Variants in SLC25A29 observed in about 807,000 individuals in gnomAD.
SLC25A29 encodes the protein solute carrier family 25 member 29.
SLC25A29 carries 13 observed loss-of-function variants against 10.0 expected under a neutral mutation model. That is an observed-to-expected ratio of 1.30 (90% CI 0.85 to 2.07). The LOEUF (loss-of-function observed/expected upper bound fraction) is 2.07, where lower values mean the gene tolerates loss of function less well. Among genes scored for constraint, SLC25A29 ranks in the 30% most tolerant of loss-of-function variants. The pLI is 0.00. For missense variants in SLC25A29, 475 were observed against 447.6 expected (o/e 1.06, Z -0.55); for synonymous variants, 244 against 221.1 (o/e 1.10, Z -0.92).
rs1025229957 is a variant in SLC25A29 at position 100,292,459 on chromosome 14, C to T, written c.736G>A (p.Val246Ile). Reference sequence around the variant, plus strand: ...GTGGACGCCAGCCCCCGTGTGAAGACGCGCCAGCCCTCGGCGCGGTAGCTC... The same window carrying T: ...GTGGACGCCAGCCCCCGTGTGAAGATGCGCCAGCCCTCGGCGCGGTAGCTC... Reference protein sequence around the residue: ...HQSYRAEGWRVFTRGLASTLL... With the variant: ...HQSYRAEGWRIFTRGLASTLL... Residue 246 changes from valine (V) to isoleucine (I), a missense_variant, in exon 4 of 4, where the codon GTC becomes ATC. Transcript: ENST00000359232. The T allele has an allele frequency of 2.5e-5, 39 of 1,579,432 alleles. No individual in the cohort carries two copies. Among genetic ancestry groups the T allele is most frequent in the Non-Finnish European group, 3.3e-5 (39 of 1,164,748 alleles).
In SLC25A29 at chr14:100,291,669, G is replaced by A. The variant is rs1891703235; in HGVS notation, c.*614C>T. On this transcript the variant is annotated 3_prime_UTR_variant, in exon 4 of 4. Transcript: ENST00000359232. ...CTCCAGCAGACTCCATGGCTTCCCG[G>A]AGGGTGCAGGGTCCCCAGTTCACCC... 6.3e-6 allele frequency: 1 copy of A among 158,602 alleles called. No individual in the cohort carries two copies. Among genetic ancestry groups the A allele is most frequent in the African/African-American group, 2.4e-5 (1 of 41,488 alleles). The allele number at this position is 158,602 out of a possible 1,614,324, so 9.8% of individuals were successfully genotyped here.
In SLC25A29 at chr14:100,291,859, G is replaced by T; in HGVS notation, c.*424C>A. On this transcript the variant is annotated 3_prime_UTR_variant, in exon 4 of 4. Coordinates refer to ENST00000359232, the MANE Select transcript of SLC25A29 (RefSeq NM_001039355.3). ...CACCACCCCCCCGGGTGGAGGATGT[G>T]TGGAGTTAGAGGTCCCTGGGTGGCC... 1 of 253,770 alleles carries T rather than the reference G, an allele frequency of 3.9e-6. No homozygotes were observed. The allele number at this position is 253,770 out of a possible 1,614,324, so 15.7% of individuals were successfully genotyped here. A position where few individuals can be genotyped will look rare whatever the true frequency, so the allele number is the denominator to read the frequency against.
intron 2 of SLC25A29, 25 bp from the exon 3 acceptor site, chr14:100,293,402 G>A (rs766432134): frequency 3.1e-5 from 50 of 1,603,306 alleles, no homozygotes; most frequent in Non-Finnish European, 4.0e-5. Context: ...TCCAGTGAGA[G>A]GCAGGCAGGC....
intron 2 of SLC25A29, 112 bp from the exon 3 acceptor site, chr14:100,293,489 G>C: frequency 1.1e-6 from 1 of 884,642 alleles, no homozygotes. Context: ...GGGCACTCAG[G>C]CACAGTCTAA....
At chr14:100,295,676 T>C in intron 2 of SLC25A29, 1 of 1,289,540 alleles carries the variant, frequency 7.8e-7, no homozygotes, top group Non-Finnish European at 1.0e-6. Context: ...AGTTACACTT[T>C]TGCTATGGAT....
chr14:100,302,819 G>A (rs1238966048), intron 1 of SLC25A29, among the ~76,000 whole-genome samples: 4 of 151,448 alleles, frequency 2.6e-5, no homozygotes, highest in Admixed American at 1.3e-4. Flanking sequence ...TTTATTCTGT[G>A]GGAGGTCGCT....
At position 100,291,908 on chromosome 14, in the gene SLC25A29, C is replaced by T. The variant is rs2039838434; in HGVS notation, c.*375G>A. The T allele has an allele frequency of 3.4e-6, 1 of 295,228 alleles. No homozygotes were observed. Among genetic ancestry groups the T allele is most frequent in the Non-Finnish European group, 6.4e-6 (1 of 155,380 alleles). The allele number at this position is 295,228 out of a possible 1,614,324, so 18.3% of individuals were successfully genotyped here. On this transcript the variant is annotated 3_prime_UTR_variant, in exon 4 of 4. Coordinates refer to ENST00000359232, the MANE Select transcript of SLC25A29 (RefSeq NM_001039355.3). ...CCCCTTGGTTGGCCATCAGAGACCC[C>T]CGGGAGCCAGCCTGCAGGGCAGGAG...
downstream of SLC25A29, among the ~76,000 whole-genome samples, chr14:100,287,104 G>C (rs947148391): frequency 6.6e-6 from 1 of 152,254 alleles, no homozygotes; most frequent in Non-Finnish European, 1.5e-5. Context: ...AGGTCAGTGT[G>C]GCCTCACGGG....
At chr14:100,301,634 C>G (rs1265687406) in intron 1 of SLC25A29, among the ~76,000 whole-genome samples, 2 of 151,996 alleles carry the variant, frequency 1.3e-5, no homozygotes, top group African/African-American at 2.4e-5. Flanking sequence ...CTCAGCCTCC[C>G]GAGTAGATGG....
At chr14:100,280,919 A>G in the SLC25A29 span, 1 of 151,976 alleles carries the variant, frequency 6.6e-6, no homozygotes. Context: ...GGCCCCCTAA[A>G]AAGAAGTTTT....
downstream of SLC25A29, among the ~76,000 whole-genome samples, chr14:100,289,378 C>T (rs1462192517): frequency 4.6e-5 from 7 of 152,200 alleles, no homozygotes; most frequent in Non-Finnish European, 1.0e-4. Flanking sequence ...TCCATGCTGG[C>T]ACTTGCCCAA....
At chr14:100,285,453 G>A in the SLC25A29 span, among the ~76,000 whole-genome samples, 1 of 151,746 alleles carries the variant, frequency 6.6e-6, no homozygotes, top group African/African-American at 2.4e-5. Flanking sequence ...CCGGGGCTGG[G>A]CCGCGTCCGC....
the SLC25A29 span, chr14:100,279,192 C>T: frequency 1.3e-5 from 2 of 152,222 alleles, no homozygotes; most frequent in African/African-American, 4.8e-5. Flanking sequence ...TGCCATGATA[C>T]AGCAAAATCT....
chr14:100,295,440 AC>A, intron 2 of SLC25A29: 1 of 441,880 alleles, frequency 2.3e-6, no homozygotes, highest in Non-Finnish European at 3.7e-6. Context: ...CCACATGAGG[AC>A]CCCCAATCCA....
In SLC25A29 at chr14:100,292,401, G is replaced by A. The variant is rs1259296591; in HGVS notation, c.794C>T (p.Thr265Ile). ...GAGCACCACCGTGACGGTGGCGAAG[G>A]TGGCAGCGTTGACGGGGAAGGCGCG... ...LLRAFPVNAA[T>I]FATVTVVLTY... Residue 265 changes from threonine (T) to isoleucine (I), a missense_variant, in exon 4 of 4, where the codon ACC becomes ATC. Transcript: ENST00000359232. The A allele has an allele frequency of 3.8e-6, 6 of 1,572,586 alleles. No individual in the cohort carries two copies. Among genetic ancestry groups the A allele is most frequent in the Non-Finnish European group, 8.6e-7 (1 of 1,162,046 alleles).
At chr14:100,282,452 A>G in the SLC25A29 span, 1 of 152,174 alleles carries the variant, frequency 6.6e-6, no homozygotes, top group African/African-American at 2.4e-5. Flanking sequence ...TTTTTTCTAC[A>G]TTGTCCATAC....
the SLC25A29 span, chr14:100,278,864 C>T: frequency 6.6e-6 from 1 of 152,292 alleles, no homozygotes; most frequent in Non-Finnish European, 1.5e-5. Context: ...GCCTGTCCAT[C>T]AGCCGGCTGC....
intron 2 of SLC25A29, chr14:100,296,226 C>T: frequency 2.9e-6 from 1 of 349,702 alleles, no homozygotes; most frequent in Non-Finnish European, 5.6e-6. Flanking sequence ...TAGTTTGAGA[C>T]CAGCTGGGCA....
At chr14:100,299,857 T>C (rs1892424751) in intron 1 of SLC25A29, 1 of 985,378 alleles carries the variant, frequency 1.0e-6, no homozygotes, top group African/African-American at 1.7e-5. Context: ...TGGCATCTGC[T>C]GAGTAACAAA....
Sources: gnomAD v4.1 joint callset for allele counts (sites outside exome capture counted in the v4.1 genomes callset) on GRCh38, gnomAD v4.1.1 for gene constraint, MANE v1.5 for transcripts, NCBI Gene and HGNC (gene_info 2026-07-23, HGNC 2026-07-21) for gene names.